CALCRL: variants seen among roughly 807,000 people sequenced by gnomAD.
CALCRL encodes calcitonin gene-related peptide type 1 receptor.
In CALCRL, 27 loss-of-function variants were observed where a neutral mutation model predicts 60.4. The ratio of observed to expected loss-of-function variants is 0.45; its 90% CI spans 0.33 to 0.62. The LOEUF is 0.62. CALCRL is among the 20% of genes least tolerant of loss of function. The probability of loss-of-function intolerance (pLI) is 0.03; values close to 1 mark genes in which losing one functional copy is unlikely to be tolerated. For synonymous variants in CALCRL, 190 were observed against 182.6 expected (o/e 1.04, Z -0.33); for missense variants, 424 against 540.7 (o/e 0.78, Z 2.14).
At chr2:187,366,656 A>G (rs1687307324) in intron 8 of CALCRL, among the ~76,000 whole-genome samples, 2 of 152,100 alleles carry the variant, frequency 1.3e-5, no homozygotes, top group African/African-American at 4.8e-5. Flanking sequence ...AATAATATTC[A>G]CATGTGAAAA....
intron 8 of CALCRL, among the ~76,000 whole-genome samples, chr2:187,372,434 C>G (rs1353578869): frequency 6.6e-6 from 1 of 151,998 alleles, no homozygotes; most frequent in African/African-American, 2.4e-5. Flanking sequence ...CTCTTTTCCC[C>G]TCCCTCTCTG....
chr2:187,406,199 C>T (rs1162446072), intron 1 of CALCRL, among the ~76,000 whole-genome samples: 1 of 108,734 alleles, frequency 9.2e-6, no homozygotes, highest in African/African-American at 4.2e-5. Flanking sequence ...AAAAAAAAAA[C>T]ACAAATCTGA....
At chr2:187,383,001 G>T (rs1372235535) in intron 5 of CALCRL, among the ~76,000 whole-genome samples, 172 bp downstream of exon 5, 1 of 151,978 alleles carries the variant, frequency 6.6e-6, no homozygotes, top group Non-Finnish European at 1.5e-5. Context: ...TTTAAAAAGC[G>T]ATATAACATG....
At chr2:187,362,096 A>T (rs1207518345) in intron 9 of CALCRL, among the ~76,000 whole-genome samples, 1 of 152,006 alleles carries the variant, frequency 6.6e-6, no homozygotes, top group African/African-American at 2.4e-5. Flanking sequence ...TTAATCGATA[A>T]ACCATTACAA....
intron 3 of CALCRL, 130 bp from the exon 4 acceptor site, chr2:187,385,761 AT>A (rs1048677794): frequency 1.5e-4 from 91 of 611,142 alleles, no homozygotes; most frequent in East Asian, 1.9e-4. Flanking sequence ...TTGATAAATC[AT>A]TTTTTTTAAG....
intron 12 of CALCRL, among the ~76,000 whole-genome samples, chr2:187,353,279 T>G (rs935569135): frequency 3.9e-5 from 6 of 151,926 alleles, no homozygotes; most frequent in African/African-American, 1.4e-4. Context: ...CCAGAAGAGC[T>G]CCATAGGGGC....
intron 1 of CALCRL, among the ~76,000 whole-genome samples, chr2:187,388,062 A>C (rs1024408433): frequency 2.6e-5 from 4 of 151,932 alleles, no homozygotes; most frequent in Non-Finnish European, 5.9e-5. Flanking sequence ...TCACTTGAAA[A>C]ATTGTTGATT....
chr2:187,351,200 G>C lies in CALCRL; in HGVS notation c.1170+720C>G, dbSNP rs373628472. Among the ~76,000 whole-genome samples the C allele has an allele frequency of 5.2e-4, 3 of 5,790 alleles. 1 individual carries two copies. Among genetic ancestry groups the C allele is most frequent in the East Asian group, 4.1e-3 (2 of 484 alleles). The allele number at this position is 5,790 out of a possible 152,430, so 3.8% of individuals were successfully genotyped here. On this transcript the variant is annotated intron_variant, in intron 14 of 14. Coordinates refer to ENST00000392370, the MANE Select transcript of CALCRL (RefSeq NM_005795.6). The stretch of plus-strand genomic sequence containing the variant: ...CTCGGGAGGCTGAGGCAGGAGAATG[G>C]CGTGAACCTGGGAGGCGGAGCTTGC...
intron 1 of CALCRL, among the ~76,000 whole-genome samples, chr2:187,406,525 G>T (rs1488038898): frequency 6.6e-6 from 1 of 151,914 alleles, no homozygotes. Flanking sequence ...AATAAATAAA[G>T]AAAATAAAAG....
chr2:187,359,010 G>A (rs928299573), intron 12 of CALCRL, 53 bp downstream of exon 12: 2 of 1,420,580 alleles, frequency 1.4e-6, no homozygotes, highest in African/African-American at 2.8e-5. Context: ...AGATGATTCA[G>A]AAATAAAGTT....
intron 9 of CALCRL, 29 bp from the exon 10 acceptor site, chr2:187,360,780 T>G (rs533560718): frequency 3.8e-6 from 6 of 1,581,336 alleles, no homozygotes; most frequent in Non-Finnish European, 5.1e-6. Flanking sequence ...CCCCAATATT[T>G]ACTTGTTTAT....
chr2:187,447,885 G>A (rs1420510500), intron 1 of CALCRL, among the ~76,000 whole-genome samples, 154 bp downstream of exon 1: 1 of 151,908 alleles, frequency 6.6e-6, no homozygotes, highest in African/African-American at 2.4e-5. Context: ...TCATGTTGGG[G>A]TAGTAGGCTG....
chr2:187,430,041 T>C (rs1050033626), intron 1 of CALCRL, among the ~76,000 whole-genome samples: 1 of 152,180 alleles, frequency 6.6e-6, no homozygotes, highest in African/African-American at 2.4e-5. Flanking sequence ...AAGCAAACTT[T>C]GGGCCTTTTG....
At chr2:187,426,264 T>A (rs1690120134) in intron 1 of CALCRL, among the ~76,000 whole-genome samples, 1 of 151,306 alleles carries the variant, frequency 6.6e-6, no homozygotes, top group African/African-American at 2.4e-5. Flanking sequence ...TGCAGACGTG[T>A]GCATTGCTGT....
chr2:187,350,949 C>T (rs1014822883), intron 14 of CALCRL, among the ~76,000 whole-genome samples: 1 of 151,662 alleles, frequency 6.6e-6, no homozygotes, highest in Non-Finnish European at 1.5e-5. Context: ...AGAGCTAAGT[C>T]AATAGAGCTC....
At chr2:187,415,881 G>T in intron 1 of CALCRL, 1 of 283,194 alleles carries the variant, frequency 3.5e-6, no homozygotes, top group Non-Finnish European at 6.6e-6. Context: ...AAGAGCACGA[G>T]AGGAAGAGAG....
In CALCRL at chr2:187,352,257, T is replaced by A. The variant is rs1018639295; in HGVS notation, c.985A>T (p.Asn329Tyr). The A allele has an allele frequency of 1.2e-6, 2 of 1,612,340 alleles. No individual in the cohort carries two copies. Among genetic ancestry groups the A allele is most frequent in the Non-Finnish European group, 1.7e-6 (2 of 1,178,888 alleles). The change falls in exon 13 of 15, where the codon AAT becomes TAT. Residue 329 changes from asparagine to tyrosine, a missense_variant. Physicochemically the swap from Asn to Tyr is moderately radical, Grantham distance 143. Transcript: ENST00000392370. ...KLKVTHQAES[N>Y]LYMKAVRATL... ...GCTCTCACAGCTTTCATGTACAGAT[T>A]GGATTCCGCTTGGTGTGTAACTTTT...
chr2:187,365,755 G>A (rs539765679), intron 8 of CALCRL, among the ~76,000 whole-genome samples: 34 of 152,184 alleles, frequency 2.2e-4, no homozygotes, highest in African/African-American at 6.0e-4. Context: ...ACCACATTAC[G>A]GATGCAACTG....
At chr2:187,351,987 G>C in intron 13 of CALCRL, 26 bp from the exon 14 acceptor site, 1 of 1,587,204 alleles carries the variant, frequency 6.3e-7, no homozygotes, top group South Asian at 1.1e-5. Context: ...AGAATGATCT[G>C]AATCCAAATG....
Sources: allele counts gnomAD v4.1 joint callset (sites outside exome capture counted in the v4.1 genomes callset), GRCh38; gene constraint gnomAD v4.1.1; transcripts MANE v1.5; gene names NCBI Gene and HGNC (gene_info 2026-07-23, HGNC 2026-07-21).